PTPRJ: variants seen among roughly 807,000 people sequenced by gnomAD.
The protein encoded by PTPRJ is receptor-type tyrosine-protein phosphatase eta.
In PTPRJ, 129 loss-of-function variants were observed where a neutral mutation model predicts 141.3. The ratio of observed to expected loss-of-function variants is 0.91; its 90% CI spans 0.79 to 1.06. The LOEUF (loss-of-function observed/expected upper bound fraction) is 1.06. Among genes scored for constraint, PTPRJ ranks in the 50% least tolerant of loss-of-function variants. PTPRJ has a pLI of 0.00. For missense variants in PTPRJ, 1,601 were observed against 1,679.7 expected (o/e 0.95, Z 0.82); for synonymous variants, 610 against 640.5 (o/e 0.95, Z 0.72).
At chr11:48,029,784 G>A (rs1231974319) in intron 1 of PTPRJ, among the ~76,000 whole-genome samples, 14 of 152,134 alleles carry the variant, frequency 9.2e-5, no homozygotes, top group East Asian at 3.8e-4. Flanking sequence ...ATAGTGGGTC[G>A]GCACAGTTTG....
intron 1 of PTPRJ, 22 bp from the exon 2 acceptor site, chr11:48,110,036 C>G (rs549390123): frequency 6.2e-7 from 1 of 1,613,430 alleles, no homozygotes; most frequent in South Asian, 1.1e-5. Context: ...CTGCTGACTT[C>G]CGTTTTCTTT....
chr11:48,102,193 G>C (rs1240473552), intron 1 of PTPRJ, among the ~76,000 whole-genome samples: 1 of 152,170 alleles, frequency 6.6e-6, no homozygotes, highest in Non-Finnish European at 1.5e-5. Flanking sequence ...ATGTTTGATA[G>C]AGAAAATCAA....
intron 1 of PTPRJ, among the ~76,000 whole-genome samples, chr11:48,049,133 T>C (rs548987329): frequency 4.6e-5 from 7 of 152,268 alleles, no homozygotes; most frequent in African/African-American, 1.7e-4. Flanking sequence ...TGGAGTCTGA[T>C]GAGTCTTTGT....
At chr11:48,149,946 GTCTT>G (rs1362034076) in intron 16 of PTPRJ, 40 bp from the exon 17 acceptor site, 1 of 1,386,708 alleles carries the variant, frequency 7.2e-7, no homozygotes, top group Middle Eastern at 2.5e-4. Flanking sequence ...GTATGAATGA[GTCTT>G]TCTAATTGCA....
intron 18 of PTPRJ, among the ~76,000 whole-genome samples, chr11:48,150,429 A>C (rs759038664): frequency 9.9e-5 from 15 of 152,222 alleles, no homozygotes; most frequent in Non-Finnish European, 7.3e-5. Flanking sequence ...ATATAACGCA[A>C]GGGGTTGTTG....
intron 1 of PTPRJ, among the ~76,000 whole-genome samples, chr11:48,027,791 CAAAAAAAAAAAAAA>C (rs750153282): frequency 8.5e-3 from 280 of 32,904 alleles, no homozygotes; most frequent in South Asian, 0.032. Flanking sequence ...ACTCTGTCTC[CAAAAAAAAAAAAAA>C]AAAAAAAAAA....
intron 1 of PTPRJ, among the ~76,000 whole-genome samples, chr11:48,058,198 T>C (rs1854812036): frequency 6.6e-6 from 1 of 151,952 alleles, no homozygotes; most frequent in Admixed American, 6.6e-5. Context: ...AGGCATGAGC[T>C]ACCACACCCA....
chr11:48,130,460 C>G lies in PTPRJ; in HGVS notation c.1359C>G (p.Pro453=), dbSNP rs779155946. 5 of 1,609,430 alleles carry G rather than the reference C, an allele frequency of 3.1e-6. No homozygotes were observed. The highest frequency in any genetic ancestry group is 1.1e-5 in the South Asian group (1 of 90,694). Residue 453 remains proline (P), a splice_region_variant and synonymous_variant, in exon 8 of 25, where the codon CCC becomes CCG. Coordinates refer to ENST00000418331, the MANE Select transcript of PTPRJ (RefSeq NM_002843.4). ...GTPGFLQVHT[P]PVPVSDFRVT... The stretch of plus-strand genomic sequence containing the variant: ...TAGTTGTTTACTTTCTTTGCATAGC[C>G]CCTGTTCCAGTTTCTGACTTCCGAG...
chr11:48,132,646 A>G (rs1857009305), intron 8 of PTPRJ: 18 of 872,952 alleles, frequency 2.1e-5, no homozygotes, highest in Non-Finnish European at 2.3e-5. Context: ...TACATATGTA[A>G]CAAACCTGCA....
intron 1 of PTPRJ, among the ~76,000 whole-genome samples, chr11:48,090,864 A>T (rs1855852307): frequency 6.6e-6 from 1 of 151,954 alleles, no homozygotes; most frequent in Non-Finnish European, 1.5e-5. Context: ...ACTGTGAGTC[A>T]TTCAGGCCCA....
chr11:48,145,109 T>TTGCCCCAGGATCCAG lies in PTPRJ; in HGVS notation c.2897_2911dup (p.Pro970_Gly971insValProGlnAspPro). The TTGCCCCAGGATCCAG allele has an allele frequency of 6.2e-7, 1 of 1,614,088 alleles. No individual in the cohort carries two copies. The highest frequency in any genetic ancestry group is 8.5e-7 in the Non-Finnish European group (1 of 1,180,012). On this transcript the variant is annotated inframe_insertion, in exon 14 of 25. Transcript: ENST00000418331. ...CAGTCGCTACTCAGATGCTGTTTCC[T>TTGCCCCAGGATCCAG]TGCCCCAGGATCCAGGTAGGGAGAA...
chr11:48,124,866 C>T (rs888620883), intron 5 of PTPRJ, 102 bp from the exon 6 acceptor site: 13 of 1,072,116 alleles, frequency 1.2e-5, no homozygotes, highest in Non-Finnish European at 1.7e-5. Flanking sequence ...CCAACTGTGG[C>T]CACTGTCTGA....
rs1260009348 is a variant in PTPRJ, at chr11:48,059,415, G to A, written c.97-50643G>A. Among the ~76,000 whole-genome samples, 3 of 152,076 alleles carry A rather than the reference G, an allele frequency of 2.0e-5. No individual in the cohort carries two copies. The East Asian group carries it at 5.8e-4, about 29-fold the overall frequency. ...TGGGATTACAGGCGTGAGCCACTGC[G>A]CCTGGCTGCTCTGCTTTTTACCCAT... On this transcript the variant is annotated intron_variant, in intron 1 of 24. Transcript: ENST00000418331.
rs1392859010 is a variant in PTPRJ, at chr11:48,146,873, C to T, written c.2912-3C>T. 2 of 1,613,812 alleles carry T rather than the reference C, an allele frequency of 1.2e-6. No individual in the cohort carries two copies. The highest frequency in any genetic ancestry group is 2.2e-5 in the East Asian group (1 of 44,880). On this transcript the variant is annotated splice_region_variant and splice_polypyrimidine_tract_variant and intron_variant, in intron 14 of 24. Coordinates refer to ENST00000418331, the MANE Select transcript of PTPRJ (RefSeq NM_002843.4). ...AAGTGTCTCCCATTTGGACTTTTCT[C>T]AGGTGTCATCTGTGGAGCGGTTTTT...
At chr11:48,075,590 A>G (rs1004893370) in intron 1 of PTPRJ, among the ~76,000 whole-genome samples, 1 of 150,584 alleles carries the variant, frequency 6.6e-6, no homozygotes, top group Non-Finnish European at 1.5e-5. Flanking sequence ...GCTAATTTAA[A>G]TTTTTTTTGT....
In PTPRJ at chr11:48,144,886, G is replaced by T. The variant is rs1857315330; in HGVS notation, c.2786+1G>T. 1.2e-6 allele frequency: 2 copies of T among 1,614,006 alleles called. No homozygotes were observed. Among genetic ancestry groups the T allele is most frequent in the Admixed American group, 1.7e-5 (1 of 59,998 alleles). On this transcript the variant is annotated splice_donor_variant, in intron 13 of 24. Coordinates refer to ENST00000418331, the MANE Select transcript of PTPRJ (RefSeq NM_002843.4). LOFTEE classifies it high-confidence loss of function. The stretch of plus-strand genomic sequence containing the variant: ...AGCTGGAACCTCTGGGCTCCTACCG[G>T]TAATGTCTTCTGGTTCTTACTCTTT...
chr11:47,980,597 C>CAGCCGCGGGAGCCGGGACCGGGT lies in PTPRJ; in HGVS notation c.-308_-286dup, dbSNP rs1373449568. The CAGCCGCGGGAGCCGGGACCGGGT allele has an allele frequency of 1.0e-6, 1 of 983,020 alleles. No individual in the cohort carries two copies. The highest frequency in any genetic ancestry group is 1.2e-6 in the Non-Finnish European group (1 of 829,212). The allele number at this position is 983,020 out of a possible 1,614,324, so 60.9% of individuals were successfully genotyped here. A position where few individuals can be genotyped will look rare whatever the true frequency, so the allele number is the denominator to read the frequency against. On this transcript the variant is annotated 5_prime_UTR_variant, in exon 1 of 25. It introduces an in-frame stop codon into an upstream open reading frame of the 5' UTR. Transcript: ENST00000418331. ...TGACGCGCGGAGGAGGCAGCGGGAG[C>CAGCCGCGGGAGCCGGGACCGGGT]AGCCGCGGGAGCCGGGACCGGGTAG...
chr11:48,094,759 G>A (rs190438182), intron 1 of PTPRJ, among the ~76,000 whole-genome samples: 1 of 152,198 alleles, frequency 6.6e-6, no homozygotes, highest in Non-Finnish European at 1.5e-5. Context: ...GAAGTTCTGG[G>A]TAACAGAGAG....
intron 1 of PTPRJ, among the ~76,000 whole-genome samples, chr11:47,981,795 G>C (rs1489714683): frequency 1.3e-5 from 2 of 152,152 alleles, no homozygotes; most frequent in Non-Finnish European, 2.9e-5. Context: ...CAGCTGAAGG[G>C]GCATTCCCAT....
Sources: gnomAD v4.1 joint callset for allele counts (sites outside exome capture counted in the v4.1 genomes callset) on GRCh38, gnomAD v4.1.1 for gene constraint, MANE v1.5 for transcripts, NCBI Gene and HGNC (gene_info 2026-07-23, HGNC 2026-07-21) for gene names.